Variants in SLC16A7 observed in about 807,000 individuals in gnomAD.
The protein encoded by SLC16A7 is monocarboxylate transporter 2.
SLC16A7 carries 33 observed loss-of-function variants against 34.9 expected under a neutral mutation model. The observed-to-expected ratio is 0.94, with a 90% CI of 0.72 to 1.26. The LOEUF (loss-of-function observed/expected upper bound fraction) is 1.26. SLC16A7 is among the 50% of genes most tolerant of loss of function. SLC16A7 has a pLI of 0.00. For synonymous variants in SLC16A7, 201 were observed against 206.6 expected (o/e 0.97, Z 0.23); for missense variants, 573 against 578.1 (o/e 0.99, Z 0.09).
At chr12:59,763,490 T>C (rs1881232035) in intron 3 of SLC16A7, among the ~76,000 whole-genome samples, 2 of 152,096 alleles carry the variant, frequency 1.3e-5, no homozygotes, top group Admixed American at 6.6e-5. Flanking sequence ...AAAAAGATTA[T>C]TTCTAGTCAA....
At chr12:59,639,041 T>A (rs1880557015) in intron 1 of SLC16A7, among the ~76,000 whole-genome samples, 1 of 152,100 alleles carries the variant, frequency 6.6e-6, no homozygotes, top group African/African-American at 2.4e-5. Context: ...TTTTTCAAAG[T>A]TTTTTCAGCA....
At position 59,703,599 on chromosome 12, in the gene SLC16A7, A is replaced by G. The variant is rs376336552; in HGVS notation, c.-30-1173A>G. ...ATTGTGGCAATTAAAAGTCTTATTT[A>G]GCTATTTTACTTTAATTAAAAAACA... On this transcript the variant is annotated intron_variant, in intron 2 of 5. Transcript: ENST00000547379. Among the ~76,000 whole-genome samples the G allele has an allele frequency of 3.3e-4, 51 of 152,274 alleles. 1 individual carries two copies. The South Asian group carries it at 0.011, about 32-fold the overall frequency.
intron 3 of SLC16A7, among the ~76,000 whole-genome samples, chr12:59,740,283 A>T (rs1878149058): frequency 6.6e-6 from 1 of 151,946 alleles, no homozygotes; most frequent in African/African-American, 2.4e-5. Context: ...TTTTCCCAGC[A>T]CCATTTATTA....
At position 59,780,046 on chromosome 12, in the gene SLC16A7, A is replaced by G. The variant is rs543133315; in HGVS notation, c.*367A>G. The G allele has an allele frequency of 1.6e-5, 3 of 186,866 alleles. No individual in the cohort carries two copies. The highest frequency in any genetic ancestry group is 7.1e-5 in the African/African-American group (3 of 42,040). The allele number at this position is 186,866 out of a possible 1,614,324, so 11.6% of individuals were successfully genotyped here. ...AGGTAGAAGGAGGATGCCTAATCCT[A>G]CAAAGTGACCCTTTATACATTTCAT... On this transcript the variant is annotated 3_prime_UTR_variant, in exon 6 of 6. Coordinates refer to ENST00000547379, the MANE Select transcript of SLC16A7 (RefSeq NM_001270623.2).
chr12:59,666,382 A>G (rs1869208053), intron 2 of SLC16A7, among the ~76,000 whole-genome samples: 1 of 152,152 alleles, frequency 6.6e-6, no homozygotes. Context: ...ACATAATCCC[A>G]TTAGGATTTC....
chr12:59,706,513 T>A (rs1467005550), intron 3 of SLC16A7, among the ~76,000 whole-genome samples: 3 of 152,132 alleles, frequency 2.0e-5, no homozygotes, highest in Non-Finnish European at 2.9e-5. Context: ...TATCAAAAGG[T>A]ATCCTTTAAA....
chr12:59,766,127 T>C (rs1881599782), intron 3 of SLC16A7, among the ~76,000 whole-genome samples: 1 of 152,184 alleles, frequency 6.6e-6, no homozygotes. Flanking sequence ...ATGATTTAGC[T>C]CTCTGTTTGT....
chr12:59,600,634 C>T (rs961595965), intron 1 of SLC16A7, among the ~76,000 whole-genome samples: 4 of 152,020 alleles, frequency 2.6e-5, no homozygotes, highest in South Asian at 2.1e-4. Flanking sequence ...ACTTATCACA[C>T]GTATTTGGTA....
intron 2 of SLC16A7, among the ~76,000 whole-genome samples, chr12:59,704,199 C>CAAAA (rs34021022): frequency 2.3e-4 from 12 of 51,606 alleles, no homozygotes; most frequent in Non-Finnish European, 2.9e-4. Context: ...GACTCTGTCT[C>CAAAA]AAAAAAAAAA....
rs565051026 is a variant in SLC16A7, at chr12:59,722,593, G to T, written c.217+17575G>T. Among the ~76,000 whole-genome samples the T allele has an allele frequency of 1.2e-4, 18 of 151,880 alleles. 1 individual carries two copies. The highest frequency in any genetic ancestry group is 4.3e-4 in the African/African-American group (18 of 41,484). On this transcript the variant is annotated intron_variant, in intron 3 of 5. Coordinates refer to ENST00000547379, the MANE Select transcript of SLC16A7 (RefSeq NM_001270623.2). ...TACCTACTCTTCCTAGAATATACCAGCCATGCTCTCACCTCAGGGAATTGC... is the reference window on the plus strand; with the variant it reads ...TACCTACTCTTCCTAGAATATACCATCCATGCTCTCACCTCAGGGAATTGC...
chr12:59,754,615 ATAGCT>A (rs1236469264), intron 3 of SLC16A7, among the ~76,000 whole-genome samples: 1 of 152,196 alleles, frequency 6.6e-6, no homozygotes, highest in Non-Finnish European at 1.5e-5. Context: ...GCAATAATCA[ATAGCT>A]TACCAACCAA....
intron 3 of SLC16A7, among the ~76,000 whole-genome samples, chr12:59,765,353 A>C (rs1881486217): frequency 6.6e-6 from 1 of 152,064 alleles, no homozygotes; most frequent in African/African-American, 2.4e-5. Flanking sequence ...CTCATTTGTC[A>C]ATTTTGGCTT....
At chr12:59,660,536 C>A (rs1177238550) in intron 2 of SLC16A7, among the ~76,000 whole-genome samples, 1 of 142,038 alleles carries the variant, frequency 7.0e-6, no homozygotes, top group African/African-American at 2.6e-5. Context: ...CAGACCTTGT[C>A]TCTACAAAAA....
chr12:59,709,431 A>G (rs1873965136), intron 3 of SLC16A7, among the ~76,000 whole-genome samples: 1 of 151,636 alleles, frequency 6.6e-6, no homozygotes, highest in African/African-American at 2.4e-5. Flanking sequence ...GCTTTAACAT[A>G]GCAGGTTGGT....
chr12:59,696,480 A>G (rs1051427849), intron 2 of SLC16A7: 14 of 152,048 alleles, frequency 9.2e-5, no homozygotes, highest in African/African-American at 3.4e-4. Flanking sequence ...TAAAGATTCC[A>G]CATATAATCC....
At chr12:59,753,475 A>ACTT (rs1879864886) in intron 3 of SLC16A7, among the ~76,000 whole-genome samples, 1 of 152,198 alleles carries the variant, frequency 6.6e-6, no homozygotes, top group Admixed American at 6.5e-5. Flanking sequence ...GATAAAACAG[A>ACTT]CTTTAAACCA....
intron 3 of SLC16A7, among the ~76,000 whole-genome samples, chr12:59,748,420 G>A (rs1879131863): frequency 6.6e-6 from 1 of 152,140 alleles, no homozygotes; most frequent in Non-Finnish European, 1.5e-5. Context: ...AAAGTGTTGT[G>A]TCATGCCTAA....
intron 3 of SLC16A7, among the ~76,000 whole-genome samples, chr12:59,706,614 T>G (rs1410751676): frequency 6.6e-6 from 1 of 152,128 alleles, no homozygotes; most frequent in East Asian, 1.9e-4. Flanking sequence ...TGTAAGAATG[T>G]TATTTCTTGT....
At chr12:59,752,837 G>T (rs1172522308) in intron 3 of SLC16A7, among the ~76,000 whole-genome samples, 1 of 152,206 alleles carries the variant, frequency 6.6e-6, no homozygotes, top group African/African-American at 2.4e-5. Flanking sequence ...AGGAAAAAAT[G>T]TTAAGGGCAG....
Sources: allele counts gnomAD v4.1 joint callset (sites outside exome capture counted in the v4.1 genomes callset), GRCh38; gene constraint gnomAD v4.1.1; transcripts MANE v1.5; gene names NCBI Gene and HGNC (gene_info 2026-07-23, HGNC 2026-07-21).